The following NPAS3 variants were observed in gnomAD, a reference collection of about 807,000 sequenced individuals.
NPAS3 encodes the protein neuronal PAS domain protein 3.
NPAS3 carries 14 observed loss-of-function variants against 73.1 expected under a neutral mutation model. That is an observed-to-expected ratio of 0.19 (90% confidence interval 0.13 to 0.30). The LOEUF is 0.30. Among genes scored for constraint, NPAS3 ranks in the 10% least tolerant of loss-of-function variants. NPAS3 has a pLI of 1.00. For missense variants in NPAS3, 1,096 were observed against 1,250.0 expected, an observed-to-expected ratio of 0.88 and a Z score of 1.86; for synonymous variants, 620 against 541.5, an observed-to-expected ratio of 1.14 and a Z score of -2.01.
intron 1 of NPAS3, among the ~76,000 whole-genome samples, chr14:32,987,489 T>G (rs951801268): frequency 6.6e-6 from 1 of 152,166 alleles, no homozygotes; most frequent in Non-Finnish European, 1.5e-5. Flanking sequence ...GCAGTTAGTT[T>G]CAGACCTTTA....
In NPAS3 at chr14:33,528,406, A is replaced by G. The variant is rs115356977; in HGVS notation, c.469-31715A>G. Among the ~76,000 whole-genome samples the G allele has an allele frequency of 6.3e-3, 954 of 151,870 alleles. 12 individuals carry two copies. The highest frequency in any genetic ancestry group is 0.022 in the African/African-American group (893 of 41,436). ...TCTGCCTGAAGGGCGCTCACAATCT[A>G]GTGGGAAATATGGAAATATTAATAA... On this transcript the variant is annotated intron_variant, in intron 4 of 11. Coordinates refer to ENST00000356141, the Ensembl canonical transcript of NPAS3.
chr14:33,394,329 A>C (rs915611037), intron 4 of NPAS3, among the ~76,000 whole-genome samples: 1 of 152,212 alleles, frequency 6.6e-6, no homozygotes, highest in African/African-American at 2.4e-5. Context: ...TTAGAATTTA[A>C]AAACAGTTTT....
intron 4 of NPAS3, among the ~76,000 whole-genome samples, chr14:33,458,719 C>T (rs2050126255): frequency 6.6e-6 from 1 of 152,168 alleles, no homozygotes; most frequent in Admixed American, 6.5e-5. Flanking sequence ...AAAAAGTCTT[C>T]TACTAGTCAT....
At chr14:33,720,931 T>G (rs554486901) in intron 6 of NPAS3, among the ~76,000 whole-genome samples, 2 of 152,118 alleles carry the variant, frequency 1.3e-5, no homozygotes, top group South Asian at 4.2e-4. Context: ...GAAAATACAA[T>G]GTAGGGAAGA....
intron 2 of NPAS3, among the ~76,000 whole-genome samples, chr14:33,190,384 A>G (rs936106954): frequency 2.6e-5 from 4 of 152,232 alleles, no homozygotes; most frequent in African/African-American, 9.6e-5. Flanking sequence ...GTACACAAGA[A>G]ACAATCCACA....
At chr14:33,803,083 A>T (rs2063753770), downstream of NPAS3, 1 of 152,248 alleles carries the variant, frequency 6.6e-6, no homozygotes, top group East Asian at 1.9e-4. Context: ...TATTAAATAA[A>T]TTGATGCCAT....
rs139573654 is a variant in NPAS3 at position 33,657,898 on chromosome 14, C to T, written c.559-18313C>T. Among the ~76,000 whole-genome samples the T allele has an allele frequency of 6.3e-3, 953 of 152,246 alleles. 11 individuals carry two copies. The highest frequency in any genetic ancestry group is 0.021 in the African/African-American group (883 of 41,540). ...GGGATGTCAAATTGACTGCAGGAAG[C>T]GATAGAAATGCCAACTCTTCCAAGT... On this transcript the variant is annotated intron_variant, in intron 5 of 11. Coordinates refer to ENST00000356141, the Ensembl canonical transcript of NPAS3.
At chr14:33,107,494 G>C (rs1371646577) in intron 2 of NPAS3, among the ~76,000 whole-genome samples, 1 of 152,060 alleles carries the variant, frequency 6.6e-6, no homozygotes, top group Non-Finnish European at 1.5e-5. Flanking sequence ...ACAGATAATT[G>C]AGAATATGCA....
At chr14:33,255,696 T>C (rs1017034631) in intron 3 of NPAS3, among the ~76,000 whole-genome samples, 1 of 152,152 alleles carries the variant, frequency 6.6e-6, no homozygotes, top group Non-Finnish European at 1.5e-5. Context: ...TTTCTGAAGA[T>C]GGTATAGCCT....
chr14:32,938,620 C>G (rs2035807563), upstream of NPAS3, among the ~76,000 whole-genome samples: 1 of 151,632 alleles, frequency 6.6e-6, no homozygotes. Context: ...CAAGCTGGAA[C>G]CCCCCGCGTG....
chr14:33,106,681 A>G (rs1049503137), intron 2 of NPAS3, among the ~76,000 whole-genome samples: 12 of 152,310 alleles, frequency 7.9e-5, no homozygotes, highest in African/African-American at 2.6e-4. Flanking sequence ...TAATTTTAAA[A>G]GATCACCTTA....
At chr14:33,168,324 G>T (rs1230261613) in intron 2 of NPAS3, among the ~76,000 whole-genome samples, 1 of 152,094 alleles carries the variant, frequency 6.6e-6, no homozygotes, top group Non-Finnish European at 1.5e-5. Flanking sequence ...GGATTCGAAG[G>T]CAAACAAGAC....
At position 33,157,843 on chromosome 14, in the gene NPAS3, T is replaced by G. The variant is rs73270531; in HGVS notation, c.141-57339T>G. Among the ~76,000 whole-genome samples, 1,300 of 152,282 alleles carry G rather than the reference T, an allele frequency of 8.5e-3. 24 individuals carry two copies. Among genetic ancestry groups the G allele is most frequent in the African/African-American group, 0.03 (1,249 of 41,558 alleles). On this transcript the variant is annotated intron_variant, in intron 2 of 11. Transcript: ENST00000356141. The stretch of plus-strand genomic sequence containing the variant: ...ACTTAGTATCCCTGGGCTTCAGTCA[T>G]CTCATCTGTGAGATGGGGATGTCAA...
At chr14:32,935,264 G>A (rs1278167473), upstream of NPAS3, among the ~76,000 whole-genome samples, 2 of 152,216 alleles carry the variant, frequency 1.3e-5, no homozygotes, top group African/African-American at 2.4e-5. Context: ...GAGTAGCGGA[G>A]GAGTTGCAGC....
chr14:33,559,793 TG>T (rs1007622680), intron 4 of NPAS3, among the ~76,000 whole-genome samples: 1 of 152,094 alleles, frequency 6.6e-6, no homozygotes, highest in Non-Finnish European at 1.5e-5. Flanking sequence ...CTGAGGCAGG[TG>T]GATCACCTGA....
At chr14:33,688,471 A>G (rs369171375) in intron 6 of NPAS3, among the ~76,000 whole-genome samples, 21 of 152,098 alleles carry the variant, frequency 1.4e-4, no homozygotes, top group Admixed American at 1.3e-4. Flanking sequence ...TGCTAGCTGG[A>G]TGCCACCTTC....
chr14:33,607,639 A>G (rs1390229256), intron 5 of NPAS3, among the ~76,000 whole-genome samples: 2 of 152,216 alleles, frequency 1.3e-5, no homozygotes, highest in Non-Finnish European at 2.9e-5. Context: ...GTCAAGGTAG[A>G]TACTTTAAAT....
chr14:33,680,588 C>CCTTT, intron 6 of NPAS3: 1 of 702,068 alleles, frequency 1.4e-6, no homozygotes, highest in Non-Finnish European at 2.6e-6. Flanking sequence ...GATAAAATTC[C>CCTTT]CTTTCTGTCT....
intron 1 of NPAS3, among the ~76,000 whole-genome samples, chr14:33,020,176 A>T (rs1449143502): frequency 6.6e-6 from 1 of 152,244 alleles, no homozygotes; most frequent in African/African-American, 2.4e-5. Flanking sequence ...AAAACTTCAG[A>T]TACCAAAGAG....
Sources: gnomAD v4.1 joint callset for allele counts (sites outside exome capture counted in the v4.1 genomes callset) on GRCh38, gnomAD v4.1.1 for gene constraint, MANE v1.5 for transcripts, NCBI Gene and HGNC (gene_info 2026-07-23, HGNC 2026-07-21) for gene names.